Variants in PIK3C2B observed in about 807,000 individuals in gnomAD.
PIK3C2B encodes the protein phosphatidylinositol-4-phosphate 3-kinase catalytic subunit type 2 beta, also known as phosphatidylinositol 4-phosphate 3-kinase C2 domain-containing subunit beta.
A neutral mutation model predicts 184.3 loss-of-function variants in PIK3C2B; 83 were observed. That is an observed-to-expected ratio of 0.45 (90% CI 0.38 to 0.54). PIK3C2B has a LOEUF of 0.54. PIK3C2B is among the 20% of genes least tolerant of loss of function. The pLI is 0.00. For synonymous variants in PIK3C2B, 779 were observed against 837.6 expected, an observed-to-expected ratio of 0.93 and a Z score of 1.21; for missense variants, 1,736 against 2,113.5, an observed-to-expected ratio of 0.82 and a Z score of 3.50.
intron 1 of PIK3C2B, among the ~76,000 whole-genome samples, chr1:204,487,005 A>C (rs890156507): frequency 6.6e-6 from 1 of 152,138 alleles, no homozygotes; most frequent in Non-Finnish European, 1.5e-5. Context: ...ACAGGGTTTC[A>C]TTATGTTAGC....
At chr1:204,450,766 C>A (rs147292931) in intron 12 of PIK3C2B, among the ~76,000 whole-genome samples, 1 of 152,308 alleles carries the variant, frequency 6.6e-6, no homozygotes, top group Non-Finnish European at 1.5e-5. Flanking sequence ...CCTAGCCACT[C>A]CCTCTAAGCT....
chr1:204,490,231 C>T (rs931224706), intron 1 of PIK3C2B: 1 of 303,626 alleles, frequency 3.3e-6, no homozygotes, highest in Non-Finnish European at 6.0e-6. Context: ...ATTGCTAAGG[C>T]TTCCTTCAGC....
chr1:204,468,636 T>C (rs1199394100), intron 2 of PIK3C2B, among the ~76,000 whole-genome samples: 1 of 152,162 alleles, frequency 6.6e-6, no homozygotes, highest in Non-Finnish European at 1.5e-5. Flanking sequence ...GAAGGCCCGT[T>C]TTGGCCAAGA....
intron 23 of PIK3C2B, among the ~76,000 whole-genome samples, chr1:204,437,600 G>T (rs528761070): frequency 6.6e-6 from 1 of 152,200 alleles, no homozygotes; most frequent in African/African-American, 2.4e-5. Flanking sequence ...GCAAAGAGCT[G>T]AACAAAATCA....
rs1210701319 is a variant in PIK3C2B at position 204,422,643 on chromosome 1, A to T, written c.*2209T>A. The T allele has an allele frequency of 6.6e-6, 1 of 152,600 alleles. No homozygotes were observed. Among genetic ancestry groups the T allele is most frequent in the Non-Finnish European group, 1.5e-5 (1 of 68,018 alleles). 9.5% of individuals were successfully genotyped at this position (152,600 alleles called of 1,614,324 possible). A position where few individuals can be genotyped will look rare whatever the true frequency, so the allele number is the denominator to read the frequency against. ...AAAATTATAGTTTCATTTTTTTCTC[A>T]AATGTCATTTATTAGAAAATACAAT... On this transcript the variant is annotated 3_prime_UTR_variant, in exon 33 of 33. Transcript: ENST00000684373.
At chr1:204,477,165 C>G (rs1656773243) in intron 1 of PIK3C2B, among the ~76,000 whole-genome samples, 1 of 152,200 alleles carries the variant, frequency 6.6e-6, no homozygotes, top group Non-Finnish European at 1.5e-5. Context: ...AATGCACACT[C>G]CACATTTGAG....
chr1:204,425,065 G>C, intron 32 of PIK3C2B, 25 bp from the exon 33 acceptor site: 1 of 1,589,894 alleles, frequency 6.3e-7, no homozygotes, highest in Non-Finnish European at 8.6e-7. Context: ...ATGGGTGAGG[G>C]AAGTGGTGAG....
intron 2 of PIK3C2B, chr1:204,466,860 G>C (rs548506719): frequency 1.3e-4 from 67 of 533,228 alleles, no homozygotes; most frequent in South Asian, 9.1e-4. Context: ...GTATCAGGCT[G>C]GCATTTGGAG....
chr1:204,429,484 A>G (rs1674923893), intron 29 of PIK3C2B, among the ~76,000 whole-genome samples: 1 of 152,298 alleles, frequency 6.6e-6, no homozygotes. Context: ...ACAAATAGGA[A>G]GGGAACATGG....
chr1:204,487,995 C>A (rs1657743131), intron 1 of PIK3C2B, among the ~76,000 whole-genome samples: 1 of 152,224 alleles, frequency 6.6e-6, no homozygotes, highest in Non-Finnish European at 1.5e-5. Context: ...CATTTACATG[C>A]ATCAGGCACT....
intron 23 of PIK3C2B, 44 bp from the exon 24 acceptor site, chr1:204,434,652 G>T (rs1277180849): frequency 1.3e-6 from 2 of 1,548,346 alleles, no homozygotes; most frequent in Non-Finnish European, 1.8e-6. Context: ...CATAAAGCTG[G>T]CTTGGAAGGA....
Position 204,442,529 on chromosome 1 carries a change from G to A in PIK3C2B, c.3153C>T (p.Pro1051=). The A allele has an allele frequency of 6.5e-7, 1 of 1,550,050 alleles. No individual in the cohort carries two copies. The highest frequency in any genetic ancestry group is 8.7e-7 in the Non-Finnish European group (1 of 1,145,080). Residue 1051 remains proline (P), a synonymous_variant, in exon 20 of 33, where the codon CCC becomes CCT. Transcript: ENST00000684373. ...SPSLLVKGIV[P]RDCSYFNSNA... ...CCCAAACCTACCAGTCACTCACCCT[G>A]GGCACAATTCCCTTAACCAGCAGAC...
intron 1 of PIK3C2B, among the ~76,000 whole-genome samples, chr1:204,476,338 G>A (rs755277893): frequency 3.3e-5 from 5 of 152,014 alleles, no homozygotes; most frequent in Non-Finnish European, 7.4e-5. Context: ...TTGGGAAGCC[G>A]AGGCGGGGGG....
intron 12 of PIK3C2B, among the ~76,000 whole-genome samples, chr1:204,452,732 G>A (rs1217785381): frequency 2.1e-5 from 3 of 141,240 alleles, no homozygotes; most frequent in African/African-American, 5.3e-5. Context: ...ATGGCTCACT[G>A]CAGCCTCGAC....
At chr1:204,425,518 TACA>T in intron 32 of PIK3C2B, 92 bp downstream of exon 32, 1 of 1,353,168 alleles carries the variant, frequency 7.4e-7, no homozygotes, top group South Asian at 1.2e-5. Context: ...ATGTTCTTAA[TACA>T]ACATCTTAAT....
chr1:204,433,901 G>A lies in PIK3C2B; in HGVS notation c.3735C>T (p.Asn1245=), dbSNP rs144860399. The change falls in exon 25 of 33, where the codon AAC becomes AAT. Residue 1245 remains asparagine, a synonymous_variant. Transcript: ENST00000684373. The surrounding 1 kb of genome is among the most constrained non-coding windows in gnomAD (Gnocchi z 5.0). The part of the protein sequence containing the change: ...VFTSDMAYVI[N]GGDKPSSRFH... ...AGCGGCTGGAAGGCTTGTCACCCCC[G>A]TTGATGACATACGCCATGTCCGAGG... 2.4e-4 allele frequency: 381 copies of A among 1,614,058 alleles called. No homozygotes were observed. In the African/African-American group the frequency reaches 4.1e-3, roughly 17 times the overall value.
chr1:204,433,331 G>A lies in PIK3C2B; in HGVS notation c.3938C>T (p.Thr1313Ile), dbSNP rs765871177. The change falls in exon 26 of 33, where the codon ACT becomes ATT. Residue 1313 changes from threonine to isoleucine, a missense_variant. Coordinates refer to ENST00000684373, the MANE Select transcript of PIK3C2B (RefSeq NM_001377334.1). This position sits in a 1 kb window ranked among gnomAD's most constrained non-coding sequence, Gnocchi z 5.0. ...ATCATTTTACCTAGTGAAGTAGGTA[G>A]TGGCATTGGCCTCTGTATCCTGAGG... ...LRPQDTEANA[T>I]TYFTRLIESS... 2.5e-6 allele frequency: 4 copies of A among 1,580,768 alleles called. No homozygotes were observed. The highest frequency in any genetic ancestry group is 1.7e-6 in the Non-Finnish European group (2 of 1,149,840).
intron 2 of PIK3C2B, among the ~76,000 whole-genome samples, chr1:204,468,119 A>G (rs1215941129): frequency 1.3e-5 from 2 of 152,256 alleles, no homozygotes; most frequent in Admixed American, 1.3e-4. Context: ...TTGTGAGAAG[A>G]GAATGAGTAG....
chr1:204,479,196 G>A (rs561340186), intron 1 of PIK3C2B, among the ~76,000 whole-genome samples: 43 of 152,232 alleles, frequency 2.8e-4, no homozygotes, highest in Admixed American at 2.5e-3. Flanking sequence ...TTCTAACCCA[G>A]GAATCATCCC....
Sources: allele counts gnomAD v4.1 joint callset (sites outside exome capture counted in the v4.1 genomes callset), GRCh38; gene constraint gnomAD v4.1.1; non-coding constraint Gnocchi (gnomAD v3.1); transcripts MANE v1.5; gene names NCBI Gene and HGNC (gene_info 2026-07-23, HGNC 2026-07-21).